Variants in WASHC3 observed in about 807,000 individuals in gnomAD.
The protein encoded by WASHC3 is WASH complex subunit 3.
A neutral mutation model predicts 26.1 loss-of-function variants in WASHC3; 24 were observed. The observed-to-expected ratio is 0.92, with a 90% CI of 0.66 to 1.29. The LOEUF (loss-of-function observed/expected upper bound fraction) is 1.29, where lower values mean the gene tolerates loss of function less well. Ranked by LOEUF, WASHC3 falls within the 50% of genes most tolerant of loss-of-function variation. The pLI, the probability that WASHC3 is intolerant of heterozygous loss-of-function variation, is 0.00. For synonymous variants in WASHC3, 77 were observed against 75.7 expected, an observed-to-expected ratio of 1.02 and a Z score of -0.09; for missense variants, 214 against 229.6, an observed-to-expected ratio of 0.93 and a Z score of 0.44.
chr12:102,057,291 C>T (rs988154128), intron 2 of WASHC3, among the ~76,000 whole-genome samples: 4 of 152,106 alleles, frequency 2.6e-5, no homozygotes, highest in Non-Finnish European at 5.9e-5. Flanking sequence ...CCATTTATGA[C>T]AAGCCCACAG....
chr12:102,051,597 A>C (rs1739783627), intron 2 of WASHC3, among the ~76,000 whole-genome samples: 1 of 152,260 alleles, frequency 6.6e-6, no homozygotes, highest in African/African-American at 2.4e-5. Flanking sequence ...CAGATAAAGC[A>C]GTGCAATGTA....
intron 3 of WASHC3, among the ~76,000 whole-genome samples, chr12:102,045,383 A>G (rs759212334): frequency 4.6e-5 from 7 of 152,198 alleles, no homozygotes; most frequent in Non-Finnish European, 1.0e-4. Flanking sequence ...CCTCATAAAT[A>G]TTTACAGAAT....
rs1400123216 is a variant in WASHC3 at position 102,044,156 on chromosome 12, G to A, written c.273C>T (p.Val91=). 1.1e-5 allele frequency: 17 copies of A among 1,610,404 alleles called. No individual in the cohort carries two copies. Among genetic ancestry groups the A allele is most frequent in the Non-Finnish European group, 1.4e-5 (16 of 1,178,130 alleles). ...GATGTGCTCCATTTGTGACACTGGT[G>A]ACATTTAAAGGAGATACTTCAACTG... ...DVTVEVSPLN[V]TSVTNGAHPE... Residue 91 remains valine (V), a synonymous_variant, in exon 4 of 7, where the codon GTC becomes GTT. Transcript: ENST00000240079.
At chr12:102,049,502 T>C (rs1878303229) in intron 2 of WASHC3, among the ~76,000 whole-genome samples, 1 of 152,126 alleles carries the variant, frequency 6.6e-6, no homozygotes, top group Non-Finnish European at 1.5e-5. Flanking sequence ...ATTTGTCAGA[T>C]AAGCTGAAAG....
intron 5 of WASHC3, among the ~76,000 whole-genome samples, chr12:102,028,433 A>C (rs1877289548): frequency 6.6e-6 from 1 of 152,078 alleles, no homozygotes; most frequent in Non-Finnish European, 1.5e-5. Context: ...CTTTAAAAAG[A>C]CCTCTTGGCT....
At chr12:102,033,988 A>G (rs112980438) in intron 5 of WASHC3, among the ~76,000 whole-genome samples, 96 of 152,168 alleles carry the variant, frequency 6.3e-4, no homozygotes, top group Admixed American at 2.0e-3. Context: ...AATGTTAGTC[A>G]CCCCTAAAGT....
intron 2 of WASHC3, among the ~76,000 whole-genome samples, chr12:102,053,355 G>A (rs1005146482): frequency 2.6e-5 from 4 of 151,882 alleles, no homozygotes; most frequent in African/African-American, 4.8e-5. Context: ...ACAACCCTAC[G>A]AACCTAGGCA....
intron 6 of WASHC3, among the ~76,000 whole-genome samples, chr12:102,023,405 T>C (rs1450749464): frequency 6.6e-6 from 1 of 152,208 alleles, no homozygotes; most frequent in East Asian, 1.9e-4. Context: ...ATAAAGTGTA[T>C]GTTTATACTT....
At chr12:102,062,037 C>G, upstream of WASHC3, 1 of 1,324,428 alleles carries the variant, frequency 7.6e-7, no homozygotes, top group South Asian at 1.3e-5. Context: ...CCGGTAATCA[C>G]GTCTCAACTT....
In WASHC3 at chr12:102,039,862, G is replaced by C. The variant is rs1877867064; in HGVS notation, c.435+6C>G. On this transcript the variant is annotated splice_donor_region_variant and intron_variant, in intron 5 of 6. Transcript: ENST00000240079. Reference sequence around the variant, plus strand: ...TACACAAAGAAGACAGACCAAGTTAGCTTACCACTTGAACCATTTTGAGAT... The same window carrying C: ...TACACAAAGAAGACAGACCAAGTTACCTTACCACTTGAACCATTTTGAGAT... 1.4e-6 allele frequency: 2 copies of C among 1,398,514 alleles called. No homozygotes were observed. Among genetic ancestry groups the C allele is most frequent in the Admixed American group, 3.4e-5 (2 of 59,676 alleles). The allele number at this position is 1,398,514 out of a possible 1,614,324, so 86.6% of individuals were successfully genotyped here. A position where few individuals can be genotyped will look rare whatever the true frequency, so the allele number is the denominator to read the frequency against.
At chr12:102,021,700 G>C (rs1876966477) in intron 6 of WASHC3, among the ~76,000 whole-genome samples, 1 of 152,138 alleles carries the variant, frequency 6.6e-6, no homozygotes, top group Non-Finnish European at 1.5e-5. Flanking sequence ...TTGTGCAACT[G>C]AGATCTAATC....
At chr12:102,028,320 A>T (rs1436108101) in intron 5 of WASHC3, among the ~76,000 whole-genome samples, 1 of 152,204 alleles carries the variant, frequency 6.6e-6, no homozygotes, top group Non-Finnish European at 1.5e-5. Flanking sequence ...ATCTCATTCA[A>T]TTATTTAGGA....
intron 5 of WASHC3, among the ~76,000 whole-genome samples, chr12:102,036,649 T>C (rs538707411): frequency 2.6e-5 from 4 of 152,202 alleles, no homozygotes; most frequent in African/African-American, 7.2e-5. Flanking sequence ...AGAAGAATGA[T>C]TGATGACTTA....
At chr12:102,034,360 TC>T (rs1425095652) in intron 5 of WASHC3, among the ~76,000 whole-genome samples, 2 of 152,162 alleles carry the variant, frequency 1.3e-5, no homozygotes, top group African/African-American at 4.8e-5. Context: ...AATAGGTCTC[TC>T]GTGATTGTTC....
At chr12:102,037,321 AAG>A (rs1385112489) in intron 5 of WASHC3, among the ~76,000 whole-genome samples, 1 of 152,312 alleles carries the variant, frequency 6.6e-6, no homozygotes, top group East Asian at 1.9e-4. Context: ...CTTTGTAGGG[AAG>A]AGAGAGAGTA....
chr12:102,020,775 C>T (rs947715547), intron 6 of WASHC3, among the ~76,000 whole-genome samples: 8 of 152,086 alleles, frequency 5.3e-5, no homozygotes, highest in African/African-American at 1.2e-4. Flanking sequence ...CAGAGCTATG[C>T]GATGGCAATA....
At chr12:102,050,745 C>T (rs905846279) in intron 2 of WASHC3, 15 of 366,784 alleles carry the variant, frequency 4.1e-5, no homozygotes, top group African/African-American at 2.5e-4. Context: ...CTTTAAAATT[C>T]ACTATAAGGT....
chr12:102,049,132 G>A (rs1367919069), intron 2 of WASHC3, among the ~76,000 whole-genome samples: 1 of 152,146 alleles, frequency 6.6e-6, no homozygotes, highest in East Asian at 1.9e-4. Flanking sequence ...GACATTTGTG[G>A]GTGAAATATT....
upstream of WASHC3, chr12:102,062,072 G>A (rs1878839789): frequency 3.4e-6 from 3 of 875,990 alleles, no homozygotes; most frequent in Non-Finnish European, 5.3e-6. Flanking sequence ...CGCCTCCGGG[G>A]CCCTTCCCGC....
Sources: gnomAD v4.1 joint callset for allele counts (sites outside exome capture counted in the v4.1 genomes callset) on GRCh38, gnomAD v4.1.1 for gene constraint, MANE v1.5 for transcripts, NCBI Gene and HGNC (gene_info 2026-07-23, HGNC 2026-07-21) for gene names.